GRHL1: variants seen among roughly 807,000 people sequenced by gnomAD.
GRHL1 encodes the protein grainyhead-like protein 1 homolog.
GRHL1 carries 38 observed loss-of-function variants against 75.7 expected under a neutral mutation model. That is an observed-to-expected ratio of 0.50 (90% CI 0.39 to 0.66). The LOEUF (loss-of-function observed/expected upper bound fraction) is 0.66. Ranked by LOEUF, GRHL1 falls within the 30% of genes least tolerant of loss-of-function variation. The probability of loss-of-function intolerance (pLI) is 0.00; values close to 1 mark genes in which losing one functional copy is unlikely to be tolerated. For synonymous variants in GRHL1, 266 were observed against 279.4 expected (o/e 0.95, Z 0.48); for missense variants, 589 against 767.5 (o/e 0.77, Z 2.75).
At chr2:9,964,167 C>T (rs1558294814) in intron 6 of GRHL1, 68 bp from the exon 7 acceptor site, 2 of 1,316,592 alleles carry the variant, frequency 1.5e-6, no homozygotes, top group East Asian at 4.6e-5. Context: ...AAATATAGTA[C>T]TAAATACGTT....
intron 8 of GRHL1, among the ~76,000 whole-genome samples, chr2:9,976,347 T>C (rs1378686363): frequency 1.3e-5 from 2 of 152,106 alleles, no homozygotes; most frequent in African/African-American, 4.8e-5. Flanking sequence ...GGAACCAGGC[T>C]GGCATGCAGA....
Position 9,962,532 on chromosome 2 carries a change from G to T in GRHL1, c.746+1G>T. ...ACTATGTTTTTGACAGTGTTTCTGG[G>T]TAATAGATGTCTTTTAATTTGATTT... On this transcript the variant is annotated splice_donor_variant, in intron 5 of 15. Coordinates refer to ENST00000324907, the MANE Select transcript of GRHL1 (RefSeq NM_198182.3). LOFTEE classifies it high-confidence loss of function. 6.9e-7 allele frequency: 1 copy of T among 1,459,422 alleles called. No homozygotes were observed. Among genetic ancestry groups the T allele is most frequent in the Non-Finnish European group, 9.6e-7 (1 of 1,039,034 alleles). 90.4% of individuals were successfully genotyped at this position (1,459,422 alleles called of 1,614,324 possible).
In GRHL1 at chr2:10,000,600, G is replaced by C. The variant is rs1010912643; in HGVS notation, c.1750G>C (p.Val584Leu). 7 of 1,607,002 alleles carry C rather than the reference G, an allele frequency of 4.4e-6. No individual in the cohort carries two copies. The highest frequency in any genetic ancestry group is 6.0e-6 in the Non-Finnish European group (7 of 1,173,878). ...TTGTCCCCCCCCATCCAGGATCCTG[G>C]TGAACATGGACGACAACATTGTGAA... is the stretch of plus-strand genomic sequence containing the variant. The part of the protein sequence containing the change: ...IFKKCKKGIL[V>L]NMDDNIVKHY... Residue 584 changes from valine to leucine, a missense_variant, in exon 16 of 16, where the codon GTG (valine) becomes CTG (leucine). By Grantham distance (32) the Val-to-Leu change is conservative (BLOSUM62 1). Around this residue, in one of 5 missense-constraint regions of GRHL1, gnomAD observed 192 missense variants for 226.6 expected, o/e 0.85. Coordinates refer to ENST00000324907, the MANE Select transcript of GRHL1 (RefSeq NM_198182.3).
chr2:9,965,455 A>ATT (rs111854908), intron 8 of GRHL1, 74 bp downstream of exon 8: 1,705 of 634,768 alleles, frequency 2.7e-3, no homozygotes, highest in South Asian at 3.2e-3. Flanking sequence ...TTGACAACTG[A>ATT]TTTTTTTTTT....
intron 8 of GRHL1, among the ~76,000 whole-genome samples, chr2:9,977,495 T>C (rs1352012741): frequency 6.6e-6 from 1 of 152,200 alleles, no homozygotes; most frequent in Non-Finnish European, 1.5e-5. Context: ...TAAGTTTTTA[T>C]ATTTTTGTTA....
chr2:9,952,963 C>T (rs1167810836), intron 1 of GRHL1: 3 of 452,812 alleles, frequency 6.6e-6, no homozygotes, highest in South Asian at 1.6e-5. Context: ...AGATCGCAGA[C>T]GCGGAGTTTA....
intron 4 of GRHL1, among the ~76,000 whole-genome samples, chr2:9,961,904 C>T (rs555687450): frequency 1.3e-5 from 2 of 152,154 alleles, no homozygotes; most frequent in Admixed American, 6.5e-5. Context: ...CCAAATAGTT[C>T]TGGGGGTTTT....
intron 15 of GRHL1, among the ~76,000 whole-genome samples, chr2:10,000,153 T>C (rs1181436784): frequency 6.6e-6 from 1 of 152,170 alleles, no homozygotes; most frequent in Non-Finnish European, 1.5e-5. Context: ...CCAGCTAGTT[T>C]TTAAAATTTT....
intron 8 of GRHL1, among the ~76,000 whole-genome samples, chr2:9,977,520 C>T (rs567777133): frequency 6.6e-6 from 1 of 152,324 alleles, no homozygotes; most frequent in East Asian, 1.9e-4. Flanking sequence ...CAGGGTTTCA[C>T]CATGTTGGCC....
At position 9,990,837 on chromosome 2, in the gene GRHL1, C is replaced by T; in HGVS notation, c.1321+90C>T. 9.6e-7 allele frequency: 1 copy of T among 1,039,346 alleles called. No individual in the cohort carries two copies. Among genetic ancestry groups the T allele is most frequent in the Admixed American group, 2.0e-5 (1 of 50,156 alleles). 64.4% of individuals were successfully genotyped at this position (1,039,346 alleles called of 1,614,324 possible). A position where few individuals can be genotyped will look rare whatever the true frequency, so the allele number is the denominator to read the frequency against. On this transcript the variant is annotated intron_variant, in intron 10 of 15. Coordinates refer to ENST00000324907, the MANE Select transcript of GRHL1 (RefSeq NM_198182.3). This position sits in a 1 kb window ranked among gnomAD's most constrained non-coding sequence, Gnocchi z 4.2. ...AGACCTTTTCCATTGAGAATGGTGG[C>T]TGGAGTTTGCACGCAGAAGACAGTG... is the stretch of plus-strand genomic sequence containing the variant.
At position 9,955,049 on chromosome 2, in the gene GRHL1, A is replaced by G. The variant is rs370768990; in HGVS notation, c.155A>G (p.Asn52Ser). The G allele has an allele frequency of 2.9e-5, 46 of 1,613,784 alleles. No homozygotes were observed. The highest frequency in any genetic ancestry group is 1.6e-4 in the Middle Eastern group (1 of 6,082). The part of the protein sequence containing the change: ...TAATKAMMSI[N>S]GDEDSAAALG... ...GCGACCAAAGCGATGATGAGCATCA[A>G]TGGAGATGAAGACAGCGCCGCTGCG... The change falls in exon 2 of 16, where the codon AAT becomes AGT. Residue 52 changes from asparagine to serine, a missense_variant. Asn to Ser is a conservative substitution (Grantham distance 46, BLOSUM62 1). This residue lies in a region of GRHL1 where 362 missense variants were observed against 461.8 expected (regional missense o/e 0.78). Transcript: ENST00000324907.
At chr2:9,983,623 G>A (rs4610026) in intron 8 of GRHL1, among the ~76,000 whole-genome samples, 36,060 of 151,982 alleles carry the variant, frequency 0.24, 4,518 homozygotes, top group Admixed American at 0.34. Flanking sequence ...TCCTGGAATC[G>A]TGAGGATGAA....
chr2:9,999,439 G>A (rs569813096), intron 15 of GRHL1, among the ~76,000 whole-genome samples: 4 of 152,328 alleles, frequency 2.6e-5, no homozygotes, highest in African/African-American at 7.2e-5. Flanking sequence ...TCCGTGTGTC[G>A]AGCCCGTTGG....
intron 6 of GRHL1, 47 bp from the exon 7 acceptor site, chr2:9,964,188 T>C: frequency 7.3e-7 from 1 of 1,363,480 alleles, no homozygotes; most frequent in Non-Finnish European, 1.0e-6. Flanking sequence ...TTCCAAAACA[T>C]ACTCACCCTT....
intron 8 of GRHL1, 146 bp from the exon 9 acceptor site, chr2:9,985,978 T>C: frequency 1.6e-6 from 1 of 625,858 alleles, no homozygotes; most frequent in Non-Finnish European, 2.7e-6. Context: ...ATCACCTCTT[T>C]TTAAAAACCC....
intron 15 of GRHL1, among the ~76,000 whole-genome samples, chr2:9,999,550 G>A (rs1396481078): frequency 3.3e-5 from 5 of 152,384 alleles, no homozygotes; most frequent in Middle Eastern, 3.4e-3. Context: ...TAGACAGGCG[G>A]CTGAGGCTCA....
In GRHL1 at chr2:9,992,720, AAGAC is replaced by A. The variant is rs1359985289; in HGVS notation, c.1462-484_1462-481del. On this transcript the variant is annotated intron_variant, in intron 11 of 15. Transcript: ENST00000324907. The surrounding 1 kb of genome is among the most constrained non-coding windows in gnomAD (Gnocchi z 4.6). ...ATGCTGAGTGCAAATAAATATCAAA[AAGAC>A]AGTCTTTCATGCACTTTGTGGACAG... Among the ~76,000 whole-genome samples, 1 of 152,218 alleles carries A rather than the reference AAGAC, an allele frequency of 6.6e-6. No homozygotes were observed. The highest frequency in any genetic ancestry group is 2.4e-5 in the African/African-American group (1 of 41,464).
chr2:9,976,994 C>T (rs6725087), intron 8 of GRHL1, among the ~76,000 whole-genome samples: 24,704 of 152,216 alleles, frequency 0.16, 2,117 homozygotes, highest in Non-Finnish European at 0.19. Context: ...TCTGAAGTGA[C>T]ACTAATATTT....
At chr2:9,989,004 A>T (rs1668534314) in intron 9 of GRHL1, among the ~76,000 whole-genome samples, 1 of 152,098 alleles carries the variant, frequency 6.6e-6, no homozygotes, top group Non-Finnish European at 1.5e-5. Context: ...GACTTGTTAG[A>T]AGGGACAGAG....
Sources: allele counts gnomAD v4.1 joint callset (sites outside exome capture counted in the v4.1 genomes callset), GRCh38; gene constraint gnomAD v4.1.1; regional missense constraint gnomAD v4.1.1; non-coding constraint Gnocchi (gnomAD v3.1); transcripts MANE v1.5; gene names NCBI Gene and HGNC (gene_info 2026-07-23, HGNC 2026-07-21).